OR2I1: variants seen among roughly 807,000 people sequenced by gnomAD.
OR2I1 encodes the protein putative olfactory receptor 2I1.
the OR2I1 span, chr6:29,553,904 G>C: frequency 2.5e-6 from 1 of 398,708 alleles, no homozygotes; most frequent in Non-Finnish European, 4.4e-6. Flanking sequence ...TGTTGCATGC[G>C]GTTCAGCGGA....
At chr6:29,551,909 CA>C in the OR2I1 span, among the ~76,000 whole-genome samples, 2 of 152,256 alleles carry the variant, frequency 1.3e-5, no homozygotes, top group Non-Finnish European at 2.9e-5. Flanking sequence ...TAAAATCAAA[CA>C]GGATGTTTTG....
the OR2I1 span, chr6:29,556,532 A>C: frequency 3.5e-6 from 2 of 565,596 alleles, no homozygotes; most frequent in Non-Finnish European, 6.2e-6. Flanking sequence ...CAACACAAAT[A>C]AGATAATTTG....
At chr6:29,553,141 C>A in the OR2I1 span, 1 of 398,142 alleles carries the variant, frequency 2.5e-6, no homozygotes, top group Non-Finnish European at 4.4e-6. Flanking sequence ...GCCCCACACT[C>A]CAAGGTTTTC....
At chr6:29,554,536 C>A in the OR2I1 span, 1 of 168,618 alleles carries the variant, frequency 5.9e-6, no homozygotes. Context: ...CCCTACCCTG[C>A]AGGAGAGGGT....
the OR2I1 span, among the ~76,000 whole-genome samples, chr6:29,551,546 G>A: frequency 4.6e-5 from 7 of 152,222 alleles, no homozygotes; most frequent in Non-Finnish European, 8.8e-5. Flanking sequence ...GAAAAGAGCT[G>A]TAAATGTTCA....
the OR2I1 span, chr6:29,557,508 A>C: frequency 6.6e-6 from 1 of 152,254 alleles, no homozygotes; most frequent in East Asian, 1.9e-4. Flanking sequence ...TCTCCACTTC[A>C]GAGTGACCAT....
the OR2I1 span, chr6:29,556,962 T>C: frequency 6.6e-6 from 1 of 152,252 alleles, no homozygotes; most frequent in African/African-American, 2.4e-5. Context: ...GTCTCAAAAA[T>C]ATAAATAAAT....
the OR2I1 span, chr6:29,555,143 C>T: frequency 6.6e-6 from 1 of 152,144 alleles, no homozygotes; most frequent in East Asian, 1.9e-4. Flanking sequence ...GTCCATCTAC[C>T]CCTAGGAATC....
At chr6:29,552,483 A>G in the OR2I1 span, among the ~76,000 whole-genome samples, 1,130 of 152,286 alleles carry the variant, frequency 7.4e-3, 12 homozygotes, top group Middle Eastern at 0.017. Context: ...AGTAGTCTCT[A>G]TTCACAACAA....
At chr6:29,554,757 G>A in the OR2I1 span, 2 of 152,160 alleles carry the variant, frequency 1.3e-5, no homozygotes, top group Admixed American at 1.3e-4. Flanking sequence ...AAGAAACAAG[G>A]AACTAGGATG....
At chr6:29,555,804 G>T in the OR2I1 span, 3 of 1,206,888 alleles carry the variant, frequency 2.5e-6, no homozygotes, top group Admixed American at 2.0e-5. Context: ...GAAATCATCA[G>T]AAGATGTGTT....
the OR2I1 span, chr6:29,555,030 G>C: frequency 4.6e-5 from 7 of 152,364 alleles, no homozygotes; most frequent in Admixed American, 1.3e-4. Context: ...CCCTCACCCA[G>C]ACTGGCGCCC....
At chr6:29,553,562 C>T in the OR2I1 span, 865 of 398,400 alleles carry the variant, frequency 2.2e-3, 9 homozygotes, top group Non-Finnish European at 3.0e-4. Context: ...GTCCTCCTGG[C>T]GGTGATGGCT....
At chr6:29,555,999 G>A in the OR2I1 span, 3 of 1,612,902 alleles carry the variant, frequency 1.9e-6, no homozygotes, top group African/African-American at 2.7e-5. Flanking sequence ...TGGGTCTCAG[G>A]GATTATACCC....
chr6:29,556,255 G>A, the OR2I1 span: 1 of 1,613,070 alleles, frequency 6.2e-7, no homozygotes, highest in Non-Finnish European at 8.5e-7. Flanking sequence ...CAGGAACCTT[G>A]GTCTTAGACC....
chr6:29,556,305 T>C, the OR2I1 span: 1 of 1,612,998 alleles, frequency 6.2e-7, no homozygotes, highest in South Asian at 1.1e-5. Flanking sequence ...TCATATGGGT[T>C]GGCATCAAAG....
chr6:29,552,388 T>C, the OR2I1 span, among the ~76,000 whole-genome samples: 1 of 152,206 alleles, frequency 6.6e-6, no homozygotes, highest in Non-Finnish European at 1.5e-5. Flanking sequence ...GAAAGTGTTC[T>C]TTTTTTCTAC....
chr6:29,553,682 C>T, the OR2I1 span: 1 of 398,548 alleles, frequency 2.5e-6, no homozygotes. Context: ...CTCACCAACT[C>T]GGTTGCGCAA....
chr6:29,550,743 A>C, the OR2I1 span: 1 of 152,078 alleles, frequency 6.6e-6, no homozygotes. Context: ...TGCATCTTTT[A>C]TTAAATACTC....
Sources: gnomAD v4.1 joint callset for allele counts (sites outside exome capture counted in the v4.1 genomes callset) on GRCh38, gnomAD v4.1.1 for gene constraint, MANE v1.5 for transcripts, NCBI Gene and HGNC (gene_info 2026-07-23, HGNC 2026-07-21) for gene names.